Variants in COL4A2 observed in about 807,000 individuals in gnomAD.
COL4A2 encodes the protein collagen alpha-2(IV) chain.
COL4A2 carries 99 observed loss-of-function variants against 200.2 expected under a neutral mutation model. That is an observed-to-expected ratio of 0.49 (90% CI 0.42 to 0.58). The LOEUF (loss-of-function observed/expected upper bound fraction) is 0.58. COL4A2 is among the 20% of genes least tolerant of loss of function. The pLI, the probability that COL4A2 is intolerant of heterozygous loss-of-function variation, is 0.00. For missense variants in COL4A2, 1,950 were observed against 2,314.1 expected, an observed-to-expected ratio of 0.84 and a Z score of 3.23; for synonymous variants, 897 against 900.6, an observed-to-expected ratio of 1.00 and a Z score of 0.07.
At chr13:110,423,379 G>T (rs1880335374) in intron 4 of COL4A2, among the ~76,000 whole-genome samples, 1 of 151,894 alleles carries the variant, frequency 6.6e-6, no homozygotes, top group African/African-American at 2.4e-5. Context: ...TTATGAGTGG[G>T]AGCTGAACAA....
Position 110,449,641 on chromosome 13 carries a change from C to T in COL4A2, c.1079-38C>T, listed in dbSNP as rs1204732039. ...AACGCCAGCTGCGATCCGTAGACCA[C>T]GGTCTTGTTCTTACTGTGGGACTTG... On this transcript the variant is annotated intron_variant, in intron 18 of 47. Transcript: ENST00000360467. The T allele has an allele frequency of 1.1e-5, 16 of 1,506,158 alleles. No homozygotes were observed. The East Asian group carries it at 1.5e-4, about 14-fold the overall frequency. The allele number at this position is 1,506,158 out of a possible 1,614,324, so 93.3% of individuals were successfully genotyped here. A position where few individuals can be genotyped will look rare whatever the true frequency, so the allele number is the denominator to read the frequency against.
Position 110,508,339 on chromosome 13 carries a change from G to A in COL4A2, c.4881+118G>A, listed in dbSNP as rs1883961155. ...AGTCCAGGGTGTGCACTGCACAAGGGTAGTTGGCCCAGGAAGCGAGCGAGA... is the reference window on the plus strand; with the variant it reads ...AGTCCAGGGTGTGCACTGCACAAGGATAGTTGGCCCAGGAAGCGAGCGAGA... On this transcript the variant is annotated intron_variant, in intron 47 of 47. Transcript: ENST00000360467. This position sits in a 1 kb window ranked among gnomAD's most constrained non-coding sequence, Gnocchi z 6.1. 3.3e-6 allele frequency: 5 copies of A among 1,499,916 alleles called. No homozygotes were observed. In the South Asian group the frequency reaches 5.1e-5, roughly 15 times the overall value. 92.9% of individuals were successfully genotyped at this position (1,499,916 alleles called of 1,614,324 possible).
chr13:110,454,268 A>G (rs1200704514), intron 20 of COL4A2, among the ~76,000 whole-genome samples: 3 of 152,210 alleles, frequency 2.0e-5, no homozygotes, highest in African/African-American at 7.2e-5. Flanking sequence ...AAAATGACTA[A>G]TATATTAGAG....
At chr13:110,510,622 G>C (rs1884051714) in intron 47 of COL4A2, among the ~76,000 whole-genome samples, 1 of 150,970 alleles carries the variant, frequency 6.6e-6, no homozygotes, top group Non-Finnish European at 1.5e-5. Flanking sequence ...TGCACTGTGT[G>C]TGTGTGTGTG....
At position 110,307,341 on chromosome 13, in the gene COL4A2, C is replaced by T. The variant is rs7990009; in HGVS notation, c.-232C>T. On this transcript the variant is annotated 5_prime_UTR_variant, in exon 1 of 48. Coordinates refer to ENST00000360467, the MANE Select transcript of COL4A2 (RefSeq NM_001846.4). The surrounding 1 kb of genome is among the most constrained non-coding windows in gnomAD (Gnocchi z 5.0). ...CTCCGCGCTCCGCACTCAAGAGGCTCCCGCGTCCCAACCCCTCGCGCCCGC... is the reference window on the plus strand; with the variant it reads ...CTCCGCGCTCCGCACTCAAGAGGCTTCCGCGTCCCAACCCCTCGCGCCCGC... 3.4e-6 allele frequency: 1 copy of T among 293,434 alleles called. No individual in the cohort carries two copies. The highest frequency in any genetic ancestry group is 6.3e-6 in the Non-Finnish European group (1 of 159,868). 18.2% of individuals were successfully genotyped at this position (293,434 alleles called of 1,614,324 possible).
chr13:110,430,191 T>C (rs1880623743), intron 8 of COL4A2: 3 of 676,028 alleles, frequency 4.4e-6, no homozygotes, highest in East Asian at 3.3e-5. Context: ...AATTAGTACT[T>C]GTAGTTAATA....
In COL4A2 at chr13:110,449,899, T is replaced by G. The variant is rs1401551059; in HGVS notation, c.1189+110T>G. 5.6e-6 allele frequency: 7 copies of G among 1,239,342 alleles called. No homozygotes were observed. In the East Asian group the frequency reaches 1.5e-4, roughly 27 times the overall value. The allele number at this position is 1,239,342 out of a possible 1,614,324, so 76.8% of individuals were successfully genotyped here. On this transcript the variant is annotated intron_variant, in intron 19 of 47. Coordinates refer to ENST00000360467, the MANE Select transcript of COL4A2 (RefSeq NM_001846.4). ...GACGTAGCTATGTCGTTGTTACTTTTCCCCACTGACTAGTCTTAGCAGCTC... is the reference window on the plus strand; with the variant it reads ...GACGTAGCTATGTCGTTGTTACTTTGCCCCACTGACTAGTCTTAGCAGCTC...
chr13:110,383,304 G>A (rs960640365), intron 4 of COL4A2, among the ~76,000 whole-genome samples: 6 of 152,172 alleles, frequency 3.9e-5, no homozygotes, highest in African/African-American at 1.4e-4. Context: ...TACTCTTGGG[G>A]GACAAAAGGA....
At chr13:110,433,173 G>A (rs1301361660) in intron 11 of COL4A2, among the ~76,000 whole-genome samples, 1 of 152,238 alleles carries the variant, frequency 6.6e-6, no homozygotes, top group African/African-American at 2.4e-5. Flanking sequence ...CATGCCCCCA[G>A]GCTCCTGTCC....
chr13:110,416,052 AATC>A (rs1267080109), intron 4 of COL4A2, among the ~76,000 whole-genome samples: 1 of 152,248 alleles, frequency 6.6e-6, no homozygotes, highest in Non-Finnish European at 1.5e-5. Flanking sequence ...TTTAATTGCC[AATC>A]ATCGTGTGAT....
At chr13:110,409,138 C>T (rs938828843) in intron 4 of COL4A2, among the ~76,000 whole-genome samples, 2 of 151,904 alleles carry the variant, frequency 1.3e-5, no homozygotes, top group Non-Finnish European at 2.9e-5. Context: ...CACATGCACA[C>T]ACGCACACAT....
rs199683348 is a variant in COL4A2, at chr13:110,481,442, GT to G, written c.2758+1054del. Among the ~76,000 whole-genome samples the G allele has an allele frequency of 3.4e-4, 2 of 5,888 alleles. 1 individual carries two copies. Among genetic ancestry groups the G allele is most frequent in the African/African-American group, 1.2e-3 (2 of 1,626 alleles). 3.9% of individuals were successfully genotyped at this position (5,888 alleles called of 152,430 possible). Reference sequence around the variant, plus strand: ...TGGAGACACACTGTTCTGTCCCTCCGTTGCTGGAGACACACTGCTGTGTCCC... The same window carrying G: ...TGGAGACACACTGTTCTGTCCCTCCGTGCTGGAGACACACTGCTGTGTCCC... On this transcript the variant is annotated intron_variant, in intron 31 of 47. Transcript: ENST00000360467.
At chr13:110,444,222 C>T (rs180818962) in intron 16 of COL4A2, among the ~76,000 whole-genome samples, 411 of 152,304 alleles carry the variant, frequency 2.7e-3, no homozygotes, top group Non-Finnish European at 4.8e-3. Context: ...GCAGAGATGG[C>T]AACACGTGGT....
intron 3 of COL4A2, among the ~76,000 whole-genome samples, chr13:110,334,844 G>A (rs1876101071): frequency 6.6e-6 from 1 of 152,230 alleles, no homozygotes; most frequent in Non-Finnish European, 1.5e-5. Flanking sequence ...GTAGAAAGAA[G>A]TGCAAGAGAA....
At chr13:110,438,550 A>C (rs932271527) in intron 14 of COL4A2, 68 bp from the exon 15 acceptor site, 3 of 1,582,118 alleles carry the variant, frequency 1.9e-6, no homozygotes, top group Non-Finnish European at 2.6e-6. Context: ...AGAGGATGAC[A>C]CGTGGGCCCT....
chr13:110,311,684 G>A (rs1039136310), intron 3 of COL4A2, among the ~76,000 whole-genome samples: 3 of 152,196 alleles, frequency 2.0e-5, no homozygotes, highest in African/African-American at 7.2e-5. Context: ...CTTCATGGAG[G>A]CTTGAAAGCA....
chr13:110,460,327 A>G (rs919995648), intron 22 of COL4A2, among the ~76,000 whole-genome samples: 3 of 152,158 alleles, frequency 2.0e-5, no homozygotes, highest in African/African-American at 4.8e-5. Flanking sequence ...TTCTCAGAAA[A>G]CAGATAGGAA....
chr13:110,309,749 A>T (rs1039050592), intron 3 of COL4A2, among the ~76,000 whole-genome samples: 2 of 147,142 alleles, frequency 1.4e-5, no homozygotes, highest in Non-Finnish European at 3.1e-5. Flanking sequence ...GCACTTTGGG[A>T]GGCCGCGGCC....
intron 40 of COL4A2, among the ~76,000 whole-genome samples, chr13:110,499,786 T>G (rs1271740472): frequency 1.3e-5 from 2 of 152,234 alleles, no homozygotes; most frequent in African/African-American, 4.8e-5. Flanking sequence ...GTGTTCTCAT[T>G]AACAGTCCTC....
Sources: gnomAD v4.1 joint callset for allele counts (sites outside exome capture counted in the v4.1 genomes callset) on GRCh38, gnomAD v4.1.1 for gene constraint, Gnocchi (gnomAD v3.1) non-coding constraint, MANE v1.5 for transcripts, NCBI Gene and HGNC (gene_info 2026-07-23, HGNC 2026-07-21) for gene names.